The following SHQ1 variants were observed in gnomAD, a reference collection of about 807,000 sequenced individuals.
SHQ1 encodes protein SHQ1 homolog.
Under a neutral mutation model 53.8 loss-of-function variants are expected in SHQ1, and 49 were observed. That is an observed-to-expected ratio of 0.91 (90% CI 0.72 to 1.16). SHQ1 has a LOEUF of 1.16. Among genes scored for constraint, SHQ1 ranks in the 50% most tolerant of loss-of-function variants. The probability of loss-of-function intolerance (pLI) is 0.00; values close to 1 mark genes in which losing one functional copy is unlikely to be tolerated. For missense variants in SHQ1, 738 were observed against 683.1 expected (o/e 1.08, Z -0.90); for synonymous variants, 243 against 251.0 (o/e 0.97, Z 0.30).
chr3:72,840,051 C>A (rs1050485117), intron 4 of SHQ1, among the ~76,000 whole-genome samples: 1 of 151,862 alleles, frequency 6.6e-6, no homozygotes, highest in Non-Finnish European at 1.5e-5. Flanking sequence ...CCACCACATC[C>A]GGCTAATTTG....
intron 10 of SHQ1, among the ~76,000 whole-genome samples, chr3:72,777,820 AACAG>A (rs1322090458): frequency 1.3e-5 from 2 of 152,234 alleles, no homozygotes; most frequent in South Asian, 2.1e-4. Context: ...TCCACAGAAT[AACAG>A]ACAGACAAAC....
intron 10 of SHQ1, among the ~76,000 whole-genome samples, chr3:72,784,392 G>A (rs1559669964): frequency 6.6e-6 from 1 of 152,166 alleles, no homozygotes; most frequent in South Asian, 2.1e-4. Context: ...GCACTGCTGA[G>A]CTACTGGTGA....
intron 5 of SHQ1, among the ~76,000 whole-genome samples, chr3:72,830,600 T>G (rs759923476): frequency 4.6e-5 from 7 of 152,028 alleles, no homozygotes; most frequent in Admixed American, 1.3e-4. Flanking sequence ...GGTGAGTCAG[T>G]CAGCTAATAT....
chr3:72,741,856 T>C, the SHQ1 span, among the ~76,000 whole-genome samples: 1 of 152,292 alleles, frequency 6.6e-6, no homozygotes, highest in Admixed American at 6.5e-5. Context: ...TAATATAGTA[T>C]ACTAACAATT....
chr3:72,757,450 G>T (rs1033945348), intron 10 of SHQ1, among the ~76,000 whole-genome samples: 1 of 135,650 alleles, frequency 7.4e-6, no homozygotes, highest in African/African-American at 3.0e-5. Context: ...GTAGTCAAAG[G>T]AGCAGTAATA....
rs1705325754 is a variant in SHQ1 at position 72,749,741 on chromosome 3, G to A, written c.*543C>T. 1 of 217,756 alleles carries A rather than the reference G, an allele frequency of 4.6e-6. No individual in the cohort carries two copies. Among genetic ancestry groups the A allele is most frequent in the Admixed American group, 5.8e-5 (1 of 17,224 alleles). The allele number at this position is 217,756 out of a possible 1,614,324, so 13.5% of individuals were successfully genotyped here. On this transcript the variant is annotated 3_prime_UTR_variant, in exon 11 of 11. Coordinates refer to ENST00000325599, the MANE Select transcript of SHQ1 (RefSeq NM_018130.3). The stretch of plus-strand genomic sequence containing the variant: ...ACGGGCAGTAGAACTATTATTTTCA[G>A]CTTGAAATATTAGCTACACTTTGGT...
intron 10 of SHQ1, among the ~76,000 whole-genome samples, chr3:72,771,300 G>A (rs1338713007): frequency 4.6e-5 from 7 of 152,154 alleles, no homozygotes; most frequent in Non-Finnish European, 8.8e-5. Context: ...TGTTACAAAG[G>A]TGACAAAGAT....
chr3:72,762,608 G>A (rs111982380), intron 10 of SHQ1, among the ~76,000 whole-genome samples: 4 of 152,080 alleles, frequency 2.6e-5, no homozygotes, highest in Admixed American at 6.5e-5. Flanking sequence ...CGTTCCATAC[G>A]GGCTGCTGGT....
intron 9 of SHQ1, among the ~76,000 whole-genome samples, chr3:72,806,508 C>T (rs989517927): frequency 9.9e-5 from 15 of 152,160 alleles, no homozygotes; most frequent in African/African-American, 3.4e-4. Flanking sequence ...TTACAATCTC[C>T]CGGGTGAGGA....
chr3:72,846,027 TA>T (rs1311073044), intron 1 of SHQ1, among the ~76,000 whole-genome samples: 1 of 151,976 alleles, frequency 6.6e-6, no homozygotes, highest in Non-Finnish European at 1.5e-5. Flanking sequence ...CCCTCTTCTG[TA>T]AAGGGGGGAA....
At chr3:72,781,875 A>G (rs1228452226) in intron 10 of SHQ1, among the ~76,000 whole-genome samples, 1 of 152,202 alleles carries the variant, frequency 6.6e-6, no homozygotes, top group Non-Finnish European at 1.5e-5. Context: ...TCATTCTCAA[A>G]AAATAATTAT....
intron 2 of SHQ1, among the ~76,000 whole-genome samples, chr3:72,843,641 A>G (rs1708244258): frequency 6.6e-6 from 1 of 152,214 alleles, no homozygotes; most frequent in South Asian, 2.1e-4. Flanking sequence ...TATGCAACTT[A>G]CCTATAACTA....
the SHQ1 span, among the ~76,000 whole-genome samples, chr3:72,725,779 C>T: frequency 6.6e-6 from 1 of 152,266 alleles, no homozygotes; most frequent in South Asian, 2.1e-4. Flanking sequence ...GTGTCAACCT[C>T]ACATGGTTCT....
chr3:72,784,008 A>G (rs1706148653), intron 10 of SHQ1, among the ~76,000 whole-genome samples: 2 of 152,194 alleles, frequency 1.3e-5, no homozygotes, highest in African/African-American at 4.8e-5. Context: ...TCGTTCATTA[A>G]TTGTGACAAA....
chr3:72,751,314 G>T (rs575109625), intron 10 of SHQ1, among the ~76,000 whole-genome samples: 28 of 152,120 alleles, frequency 1.8e-4, no homozygotes, highest in Non-Finnish European at 3.1e-4. Flanking sequence ...TGGGTGGAGG[G>T]GGGGCTGAGG....
intron 10 of SHQ1, among the ~76,000 whole-genome samples, chr3:72,784,057 G>T (rs1706149788): frequency 6.6e-6 from 1 of 151,254 alleles, no homozygotes; most frequent in African/African-American, 2.4e-5. Flanking sequence ...GAGAAACCTG[G>T]GTAGGGTACA....
chr3:72,848,199 T>C lies in SHQ1; in HGVS notation c.142A>G (p.Arg48Gly). The change falls in exon 1 of 11, where the codon AGA (arginine) becomes GGA (glycine). Residue 48 changes from arginine to glycine, a missense_variant and splice_region_variant. Transcript: ENST00000325599. ...FKFYAKPYFLRLTLPGRIVEN... is the reference protein window; with the variant it reads ...FKFYAKPYFLGLTLPGRIVEN... Reference sequence around the variant, plus strand: ...TGCGGCCAGGCACCCCGAACTCGCCTGAGAAAGTATGGCTTGGCGTAGAAC... The same window carrying C: ...TGCGGCCAGGCACCCCGAACTCGCCCGAGAAAGTATGGCTTGGCGTAGAAC... 6.2e-7 allele frequency: 1 copy of C among 1,614,124 alleles called. No homozygotes were observed. The highest frequency in any genetic ancestry group is 8.5e-7 in the Non-Finnish European group (1 of 1,179,996).
chr3:72,836,064 T>C (rs1707981840), intron 4 of SHQ1, among the ~76,000 whole-genome samples: 2 of 152,248 alleles, frequency 1.3e-5, no homozygotes, highest in South Asian at 4.1e-4. Flanking sequence ...AAATCATCTA[T>C]TCTGCAAATA....
chr3:72,750,622 A>G lies in SHQ1; in HGVS notation c.1396T>C (p.Ser466Pro), dbSNP rs541767597. 1.7e-5 allele frequency: 27 copies of G among 1,614,218 alleles called. No individual in the cohort carries two copies. In the East Asian group the frequency reaches 5.1e-4, roughly 31 times the overall value. Residue 466 changes from serine (S) to proline (P), a missense_variant, in exon 11 of 11, where the codon TCT becomes CCT. Transcript: ENST00000325599. The part of the protein sequence containing the change: ...DSEDSDSSVS[S>P]GNEDSGSDSE... ...TCTGAGCCTGAGTCTTCGTTTCCAG[A>G]TGACACGCTGCTGTCTGAGTCCTCC...
Sources: allele counts gnomAD v4.1 joint callset (sites outside exome capture counted in the v4.1 genomes callset), GRCh38; gene constraint gnomAD v4.1.1; transcripts MANE v1.5; gene names NCBI Gene and HGNC (gene_info 2026-07-23, HGNC 2026-07-21).